Variants in PARD3B observed in about 807,000 individuals in gnomAD.
PARD3B encodes partitioning defective 3 homolog B.
A neutral mutation model predicts 130.2 loss-of-function variants in PARD3B; 103 were observed. That is an observed-to-expected ratio of 0.79 (90% CI 0.67 to 0.93). PARD3B has a LOEUF of 0.93. Among genes scored for constraint, PARD3B ranks in the 40% least tolerant of loss-of-function variants. The pLI, the probability that PARD3B is intolerant of heterozygous loss-of-function variation, is 0.00. For synonymous variants in PARD3B, 583 were observed against 553.2 expected (o/e 1.05, Z -0.76); for missense variants, 1,609 against 1,499.2 (o/e 1.07, Z -1.21).
At chr2:204,647,391 T>G (rs966964606) in intron 1 of PARD3B, among the ~76,000 whole-genome samples, 6 of 151,924 alleles carry the variant, frequency 3.9e-5, no homozygotes, top group African/African-American at 1.4e-4. Flanking sequence ...TTTTGTGCCT[T>G]GCTGCATTTT....
In PARD3B at chr2:205,448,932, C is replaced by T. The variant is rs927431433; in HGVS notation, c.3044+8260C>T. Reference sequence around the variant, plus strand: ...CTGTAATCCCAGCACTTTGGGAGGCCGAGGCGGGTAGATCACCTGAGGTCA... The same window carrying T: ...CTGTAATCCCAGCACTTTGGGAGGCTGAGGCGGGTAGATCACCTGAGGTCA... On this transcript the variant is annotated intron_variant, in intron 20 of 22. Coordinates refer to ENST00000406610, the MANE Select transcript of PARD3B (RefSeq NM_001302769.2). 1.4e-4 allele frequency among the ~76,000 whole-genome samples: 22 copies of T among 151,972 alleles called. 1 individual carries two copies. The highest frequency in any genetic ancestry group is 9.8e-4 in the East Asian group (5 of 5,128).
At chr2:204,570,082 G>A (rs966640508) in intron 1 of PARD3B, among the ~76,000 whole-genome samples, 1 of 152,124 alleles carries the variant, frequency 6.6e-6, no homozygotes, top group African/African-American at 2.4e-5. Context: ...TACTGTTGGA[G>A]TCAAGATATT....
intron 21 of PARD3B, among the ~76,000 whole-genome samples, chr2:205,511,042 T>TTAA (rs1410035805): frequency 6.6e-6 from 1 of 152,206 alleles, no homozygotes; most frequent in African/African-American, 2.4e-5. Flanking sequence ...GAGATACTTC[T>TTAA]TAATATAAGA....
chr2:204,846,705 A>G (rs1351058723), intron 2 of PARD3B, among the ~76,000 whole-genome samples: 3 of 150,778 alleles, frequency 2.0e-5, no homozygotes, highest in Non-Finnish European at 1.5e-5. Context: ...GAGGCTTCCT[A>G]TACCTGAAAG....
chr2:205,532,803 A>C (rs1165445240), intron 21 of PARD3B, among the ~76,000 whole-genome samples: 1 of 152,182 alleles, frequency 6.6e-6, no homozygotes, highest in Non-Finnish European at 1.5e-5. Context: ...AAAAAGTGTG[A>C]TAGACCAGGA....
rs934594944 is a variant in PARD3B at position 205,556,990 on chromosome 2, A to G, written c.3260+3587A>G. ...CAGCACTGAACTCTCCACTCTTCCC[A>G]TCTCAAGCCTCCATCATTCCCACCT... On this transcript the variant is annotated intron_variant, in intron 22 of 22. Coordinates refer to ENST00000406610, the MANE Select transcript of PARD3B (RefSeq NM_001302769.2). Among the ~76,000 whole-genome samples, 6 of 152,024 alleles carry G rather than the reference A, an allele frequency of 3.9e-5. 1 individual carries two copies. The highest frequency in any genetic ancestry group is 1.4e-4 in the African/African-American group (6 of 41,446).
At chr2:205,043,428 G>A (rs1366357431) in intron 3 of PARD3B, among the ~76,000 whole-genome samples, 1 of 152,106 alleles carries the variant, frequency 6.6e-6, no homozygotes, top group East Asian at 1.9e-4. Context: ...CAAGTTTTAA[G>A]TGATGAGACT....
chr2:205,572,052 A>C lies in PARD3B; in HGVS notation c.3260+18649A>C, dbSNP rs1209610566. ...GGAGTTATTTTGTTTATTGTTCTGA[A>C]GTTCTATGAGCATGAAGGTAGAGAG... On this transcript the variant is annotated intron_variant, in intron 22 of 22. Transcript: ENST00000406610. This position sits in a 1 kb window ranked among gnomAD's most constrained non-coding sequence, Gnocchi z 4.2. 6.6e-6 allele frequency among the ~76,000 whole-genome samples: 1 copy of C among 152,168 alleles called. No individual in the cohort carries two copies. Among genetic ancestry groups the C allele is most frequent in the Admixed American group, 6.5e-5 (1 of 15,278 alleles).
At chr2:205,573,581 A>G (rs1575397501) in intron 22 of PARD3B, among the ~76,000 whole-genome samples, 2 of 152,332 alleles carry the variant, frequency 1.3e-5, no homozygotes, top group African/African-American at 4.8e-5. Flanking sequence ...ATTTAAACTG[A>G]ATCCTTGGAA....
intron 2 of PARD3B, among the ~76,000 whole-genome samples, chr2:204,930,795 T>A (rs55787728): frequency 0.02 from 3,015 of 152,210 alleles, 35 homozygotes; most frequent in Middle Eastern, 0.037. Flanking sequence ...TTCAGACAGT[T>A]CTTTCTTCAC....
chr2:204,957,131 A>G (rs1690323630), intron 2 of PARD3B, among the ~76,000 whole-genome samples: 1 of 152,190 alleles, frequency 6.6e-6, no homozygotes, highest in Admixed American at 6.5e-5. Context: ...AATTCTCTCC[A>G]ACTTGTCAAG....
chr2:204,914,166 G>C (rs1227539012), intron 2 of PARD3B, among the ~76,000 whole-genome samples: 3 of 152,146 alleles, frequency 2.0e-5, no homozygotes, highest in Non-Finnish European at 4.4e-5. Context: ...GATCCGGGAT[G>C]GTACCTGGGA....
intron 22 of PARD3B, 101 bp from the exon 23 acceptor site, chr2:205,615,355 G>GCGGTGGCCAGACCTATA: frequency 1.1e-6 from 1 of 926,524 alleles, no homozygotes; most frequent in South Asian, 1.6e-5. Flanking sequence ...CCAGACCTAT[G>GCGGTGGCCAGACCTATA]CGGTGGCCAC....
At chr2:204,920,076 G>C (rs1446866203) in intron 2 of PARD3B, among the ~76,000 whole-genome samples, 1 of 152,176 alleles carries the variant, frequency 6.6e-6, no homozygotes, top group Non-Finnish European at 1.5e-5. Flanking sequence ...GGATGGAAAT[G>C]TGTGTAAAGA....
At chr2:205,542,456 A>G (rs1559197887) in intron 21 of PARD3B, among the ~76,000 whole-genome samples, 1 of 151,950 alleles carries the variant, frequency 6.6e-6, no homozygotes, top group East Asian at 1.9e-4. Context: ...ATCAGTTTTC[A>G]GAAGGTTATC....
intron 3 of PARD3B, among the ~76,000 whole-genome samples, chr2:205,004,342 T>C (rs1695083790): frequency 6.6e-6 from 1 of 152,212 alleles, no homozygotes; most frequent in Admixed American, 6.5e-5. Context: ...TCTGAGTAAA[T>C]GATTTGAAGA....
chr2:205,354,571 G>A (rs2044124617), intron 18 of PARD3B, among the ~76,000 whole-genome samples: 1 of 152,134 alleles, frequency 6.6e-6, no homozygotes, highest in Non-Finnish European at 1.5e-5. Context: ...TCCCACCTCA[G>A]CCTCCCAAAA....
intron 16 of PARD3B, among the ~76,000 whole-genome samples, chr2:205,248,659 T>C (rs959515448): frequency 5.1e-5 from 7 of 137,420 alleles, no homozygotes; most frequent in Non-Finnish European, 9.1e-5. Flanking sequence ...CAGGCTGGAG[T>C]GCAGTGGCGC....
rs1000355635 is a variant in PARD3B at position 205,281,331 on chromosome 2, A to G, written c.2186-19199A>G. On this transcript the variant is annotated intron_variant, in intron 16 of 22. Coordinates refer to ENST00000406610, the MANE Select transcript of PARD3B (RefSeq NM_001302769.2). This position sits in a 1 kb window ranked among gnomAD's most constrained non-coding sequence, Gnocchi z 4.2. ...ATTAGAAACAGAATACCAGGTAATC[A>G]TAGAGCAAGGTGGAGCCAGGGACCA... Among the ~76,000 whole-genome samples, 7 of 152,228 alleles carry G rather than the reference A, an allele frequency of 4.6e-5. No homozygotes were observed. The highest frequency in any genetic ancestry group is 2.1e-4 in the South Asian group (1 of 4,834).
Sources: gnomAD v4.1 joint callset for allele counts (sites outside exome capture counted in the v4.1 genomes callset) on GRCh38, gnomAD v4.1.1 for gene constraint, Gnocchi (gnomAD v3.1) non-coding constraint, MANE v1.5 for transcripts, NCBI Gene and HGNC (gene_info 2026-07-23, HGNC 2026-07-21) for gene names.